Variants in WDR62 observed in about 807,000 individuals in gnomAD.
The protein encoded by WDR62 is WD repeat-containing protein 62.
In WDR62, 112 loss-of-function variants were observed where a neutral mutation model predicts 160.6. The observed-to-expected ratio is 0.70, with a 90% confidence interval of 0.60 to 0.82. The LOEUF is 0.82. Ranked by LOEUF, WDR62 falls within the 40% of genes least tolerant of loss-of-function variation. WDR62 has a pLI of 0.00. For synonymous variants in WDR62, 792 were observed against 815.1 expected (o/e 0.97, Z 0.48); for missense variants, 1,819 against 1,983.8 (o/e 0.92, Z 1.58).
chr19:36,076,920 CCT>C (rs960556809), intron 9 of WDR62, among the ~76,000 whole-genome samples: 5 of 151,764 alleles, frequency 3.3e-5, no homozygotes, highest in African/African-American at 7.3e-5. Context: ...CCTTTTGACC[CCT>C]GTTTATTTTG....
At chr19:36,080,992 T>C (rs1247840598) in intron 9 of WDR62, among the ~76,000 whole-genome samples, 4 of 152,240 alleles carry the variant, frequency 2.6e-5, no homozygotes, top group Admixed American at 6.5e-5. Flanking sequence ...CAGTCTCATA[T>C]GTTGGCCAGA....
Position 36,103,000 on chromosome 19 carries a change from G to A in WDR62, c.3388G>A (p.Glu1130Lys), listed in dbSNP as rs1213348175. Residue 1130 changes from glutamate to lysine, a missense_variant, in exon 28 of 32, where the codon GAG becomes AAG. Physicochemically the swap from Glu to Lys is moderately conservative, Grantham distance 56. Transcript: ENST00000401500. ...RATQCLVKSP[E>K]VKLMDRGGSQ... The stretch of plus-strand genomic sequence containing the variant: ...AACCCAGTGCCTTGTGAAGTCTCCA[G>A]AGGTCAAGCTCATGGACCGAGGCGG... The A allele has an allele frequency of 6.2e-7, 1 of 1,614,140 alleles. No individual in the cohort carries two copies. Among genetic ancestry groups the A allele is most frequent in the South Asian group, 1.1e-5 (1 of 91,080 alleles).
chr19:36,090,429 GCCCCTACTT>G lies in WDR62; in HGVS notation c.1959-11_1959-3del. The G allele has an allele frequency of 6.2e-7, 1 of 1,613,848 alleles. No individual in the cohort carries two copies. The highest frequency in any genetic ancestry group is 8.5e-7 in the Non-Finnish European group (1 of 1,179,820). ...GGCGGGGCCCTGTTGGCCGCAACAT[GCCCCTACTT>G]CCCCAGAGTCTACAACACTGTGAAC... On this transcript the variant is annotated splice_region_variant and splice_polypyrimidine_tract_variant and intron_variant, in intron 15 of 31. Coordinates refer to ENST00000401500, the MANE Select transcript of WDR62 (RefSeq NM_001083961.2).
rs1270901284 is a variant in WDR62, at chr19:36,055,161, T to G, written c.177+13T>G. Reference sequence around the variant, plus strand: ...GGTGCAGAACCGGGTGAGAAGCTGCTCGCCATGTCTACCCCAGTTCCAGGC... The same window carrying G: ...GGTGCAGAACCGGGTGAGAAGCTGCGCGCCATGTCTACCCCAGTTCCAGGC... On this transcript the variant is annotated intron_variant, in intron 1 of 31. Transcript: ENST00000401500. The G allele has an allele frequency of 1.2e-6, 2 of 1,603,626 alleles. No homozygotes were observed. Among genetic ancestry groups the G allele is most frequent in the African/African-American group, 2.7e-5 (2 of 74,666 alleles).
Position 36,091,215 on chromosome 19 carries a change from T to C in WDR62, c.2050T>C (p.Ser684Pro). The C allele has an allele frequency of 6.2e-7, 1 of 1,612,708 alleles. No homozygotes were observed. The highest frequency in any genetic ancestry group is 2.2e-5 in the East Asian group (1 of 44,878). The change falls in exon 17 of 32, where the codon TCA becomes CCA. Residue 684 changes from serine (S) to proline (P), a missense_variant. Transcript: ENST00000401500. ...TTCCTGGCAGGTCCATGTGGACCCCTCAGGCACCTTCCTGGCCACCAGCTG... is the reference window on the plus strand; with the variant it reads ...TTCCTGGCAGGTCCATGTGGACCCCCCAGGCACCTTCCTGGCCACCAGCTG... Reference protein sequence around the residue: ...GSLLKVHVDPSGTFLATSCSD... With the variant: ...GSLLKVHVDPPGTFLATSCSD...
In WDR62 at chr19:36,099,633, G is replaced by T. The variant is rs550334968; in HGVS notation, c.2739+16G>T. On this transcript the variant is annotated intron_variant, in intron 22 of 31. Transcript: ENST00000401500. ...GCTGAGTGAGGTACACACTTCCACC[G>T]CAGCCTGGCCCATAGCCCCGGCACC... 2 of 1,613,018 alleles carry T rather than the reference G, an allele frequency of 1.2e-6. No homozygotes were observed.
chr19:36,085,437 T>TTTTA (rs1972162150), intron 12 of WDR62, among the ~76,000 whole-genome samples: 1 of 121,648 alleles, frequency 8.2e-6, no homozygotes, highest in African/African-American at 3.4e-5. Context: ...TTTTTTTTTT[T>TTTTA]GAGACAAGAG....
chr19:36,077,649 TAC>T (rs997456828), intron 9 of WDR62, among the ~76,000 whole-genome samples: 4 of 151,258 alleles, frequency 2.6e-5, no homozygotes, highest in African/African-American at 7.3e-5. Context: ...CAGACTGGAA[TAC>T]AGAGGCACAA....
chr19:36,059,101 G>T, intron 2 of WDR62: 1 of 672,622 alleles, frequency 1.5e-6, no homozygotes. Context: ...ACAGGGGGGA[G>T]GTGACAGCGA....
chr19:36,071,528 T>C, intron 7 of WDR62, 28 bp from the exon 8 acceptor site: 1 of 1,614,170 alleles, frequency 6.2e-7, no homozygotes, highest in South Asian at 1.1e-5. Context: ...AAGCACCAAA[T>C]CCACTGGGGT....
intron 8 of WDR62, among the ~76,000 whole-genome samples, chr19:36,072,719 G>A (rs1971363435): frequency 6.6e-6 from 1 of 152,180 alleles, no homozygotes; most frequent in Non-Finnish European, 1.5e-5. Context: ...CCCACAGGCA[G>A]TGTTGTGTTG....
In WDR62 at chr19:36,101,239, G is replaced by GCCGGGCCTGGAGA. The variant is rs1973314583; in HGVS notation, c.2896_2908dup (p.Gln970ArgfsTer25). On this transcript the variant is annotated frameshift_variant, in exon 24 of 32. Coordinates refer to ENST00000401500, the MANE Select transcript of WDR62 (RefSeq NM_001083961.2). LOFTEE classifies it high-confidence loss of function. ...CCAGTATTGCAGGAAGGAGGTGGAG[G>GCCGGGCCTGGAGA]CCGGGCCTGGAGACCAGCAGGGCGA... The GCCGGGCCTGGAGA allele has an allele frequency of 6.2e-7, 1 of 1,613,120 alleles. No individual in the cohort carries two copies. The highest frequency in any genetic ancestry group is 2.2e-5 in the East Asian group (1 of 44,850).
chr19:36,100,831 C>T lies in WDR62; in HGVS notation c.2823C>T (p.Ile941=), dbSNP rs758282256. The stretch of plus-strand genomic sequence containing the variant: ...AATCATCTGAGGCCAGTGAGCTCAT[C>T]CTCTACTCTCTGGAGGCAGAAGTGA... ...QKESSEASEL[I]LYSLEAEVTV... Residue 941 remains isoleucine, a synonymous_variant, in exon 23 of 32, where the codon ATC becomes ATT. Coordinates refer to ENST00000401500, the MANE Select transcript of WDR62 (RefSeq NM_001083961.2). 1.9e-6 allele frequency: 3 copies of T among 1,614,250 alleles called. No individual in the cohort carries two copies. The highest frequency in any genetic ancestry group is 2.5e-6 in the Non-Finnish European group (3 of 1,180,030).
chr19:36,069,607 G>A (rs1599765926), intron 7 of WDR62, among the ~76,000 whole-genome samples: 2 of 152,268 alleles, frequency 1.3e-5, no homozygotes, highest in East Asian at 1.9e-4. Flanking sequence ...GGCAGAGGCT[G>A]CAATCTCGGC....
At chr19:36,089,349 G>A in intron 15 of WDR62, 43 bp downstream of exon 15, 1 of 1,614,130 alleles carries the variant, frequency 6.2e-7, no homozygotes, top group Non-Finnish European at 8.5e-7. Flanking sequence ...GGTCTGCCTT[G>A]TCCTAGGCTG....
chr19:36,073,689 GC>G, intron 9 of WDR62, 158 bp downstream of exon 9: 1 of 714,520 alleles, frequency 1.4e-6, no homozygotes. Flanking sequence ...CAAAATCCCT[GC>G]CCTTAACAAG....
intron 6 of WDR62, 46 bp from the exon 7 acceptor site, chr19:36,067,782 C>A: frequency 6.2e-7 from 1 of 1,601,626 alleles, no homozygotes; most frequent in Non-Finnish European, 8.5e-7. Flanking sequence ...TCATGCAGGG[C>A]CCAGCTGTGT....
chr19:36,085,952 G>A (rs1011382701), intron 12 of WDR62, among the ~76,000 whole-genome samples: 4 of 151,996 alleles, frequency 2.6e-5, no homozygotes, highest in Admixed American at 2.0e-4. Flanking sequence ...CAAAATGCTG[G>A]GATTACAAGC....
At chr19:36,102,877 C>A (rs772168330) in intron 27 of WDR62, 26 bp downstream of exon 27, 2 of 1,614,176 alleles carry the variant, frequency 1.2e-6, no homozygotes, top group Admixed American at 1.7e-5. Flanking sequence ...GCACTGCCCA[C>A]CCTCTGGCTC....
Sources: gnomAD v4.1 joint callset for allele counts (sites outside exome capture counted in the v4.1 genomes callset) on GRCh38, gnomAD v4.1.1 for gene constraint, MANE v1.5 for transcripts, NCBI Gene and HGNC (gene_info 2026-07-23, HGNC 2026-07-21) for gene names.